Variants in LAMA2 observed in about 807,000 individuals in gnomAD.
The protein encoded by LAMA2 is laminin subunit alpha 2.
A neutral mutation model predicts 364.8 loss-of-function variants in LAMA2; 269 were observed. The observed-to-expected ratio is 0.74, with a 90% CI of 0.67 to 0.82. The LOEUF (loss-of-function observed/expected upper bound fraction) is 0.82. Ranked by LOEUF, LAMA2 falls within the 40% of genes least tolerant of loss-of-function variation. LAMA2 has a pLI of 0.00. For synonymous variants in LAMA2, 1,379 were observed against 1,370.6 expected (o/e 1.01, Z -0.14); for missense variants, 3,807 against 3,873.2 (o/e 0.98, Z 0.45).
intron 1 of LAMA2, among the ~76,000 whole-genome samples, chr6:129,017,039 A>G (rs1785123627): frequency 6.6e-6 from 1 of 151,972 alleles, no homozygotes; most frequent in South Asian, 2.1e-4. Flanking sequence ...AATATGCTGA[A>G]TAAGCAAATC....
intron 35 of LAMA2, 78 bp from the exon 36 acceptor site, chr6:129,391,413 C>A: frequency 8.4e-7 from 1 of 1,185,598 alleles, no homozygotes; most frequent in Non-Finnish European, 1.3e-6. Flanking sequence ...GATGGTGGTG[C>A]CCAGCAGATG....
At chr6:129,466,383 C>A (rs897800722) in intron 51 of LAMA2, among the ~76,000 whole-genome samples, 2 of 151,866 alleles carry the variant, frequency 1.3e-5, no homozygotes, top group Non-Finnish European at 2.9e-5. Context: ...GGATGAAAAG[C>A]ATGTATGGAC....
At chr6:129,412,412 A>G (rs1001176326) in intron 40 of LAMA2, among the ~76,000 whole-genome samples, 1 of 152,168 alleles carries the variant, frequency 6.6e-6, no homozygotes, top group African/African-American at 2.4e-5. Context: ...CTGCTGTTTT[A>G]CCAAAAACCA....
intron 1 of LAMA2, among the ~76,000 whole-genome samples, chr6:128,921,263 T>C (rs764959227): frequency 2.6e-5 from 4 of 152,170 alleles, no homozygotes; most frequent in Non-Finnish European, 4.4e-5. Context: ...GTTGTTTAAA[T>C]CCATTTTATA....
Position 129,478,729 on chromosome 6 carries a change from C to G in LAMA2, c.7488C>G (p.Leu2496=), listed in dbSNP as rs1346254561. 1.9e-6 allele frequency: 3 copies of G among 1,613,420 alleles called. No individual in the cohort carries two copies. The change falls in exon 54 of 65, where the codon CTC becomes CTG. Residue 2496 remains leucine (L), a synonymous_variant. Transcript: ENST00000421865. Reference sequence around the variant, plus strand: ...ATCTGAAGAAATATTCCGGCTGCCTCAAAGATATTGAAATTTCAAGAACTC... The same window carrying G: ...ATCTGAAGAAATATTCCGGCTGCCTGAAAGATATTGAAATTTCAAGAACTC... The part of the protein sequence containing the change: ...EVNLKKYSGC[L]KDIEISRTPY...
At chr6:128,983,476 C>T (rs903986930) in intron 1 of LAMA2, among the ~76,000 whole-genome samples, 1 of 152,086 alleles carries the variant, frequency 6.6e-6, no homozygotes, top group African/African-American at 2.4e-5. Context: ...CTCTGAATTT[C>T]TAGTAAATTC....
At chr6:128,966,261 C>T (rs1256807835) in intron 1 of LAMA2, among the ~76,000 whole-genome samples, 3 of 151,790 alleles carry the variant, frequency 2.0e-5, no homozygotes, top group Middle Eastern at 3.2e-3. Flanking sequence ...AGAGATTAGC[C>T]ATACATTTTA....
At chr6:129,476,525 A>G (rs186857888) in intron 53 of LAMA2, among the ~76,000 whole-genome samples, 19 of 152,302 alleles carry the variant, frequency 1.2e-4, no homozygotes, top group African/African-American at 4.6e-4. Context: ...ACCTTATGTG[A>G]CTATTTATCC....
intron 29 of LAMA2, among the ~76,000 whole-genome samples, chr6:129,336,739 G>A (rs914279786): frequency 6.6e-6 from 1 of 152,176 alleles, no homozygotes. Flanking sequence ...CCAGATGTTA[G>A]CCAGCTGATA....
intron 34 of LAMA2, among the ~76,000 whole-genome samples, chr6:129,373,472 A>G (rs1016738442): frequency 1.3e-5 from 2 of 152,178 alleles, no homozygotes; most frequent in East Asian, 3.8e-4. Context: ...TACATGTGTC[A>G]TATACATATT....
intron 40 of LAMA2, among the ~76,000 whole-genome samples, chr6:129,404,162 G>A (rs575791147): frequency 6.6e-6 from 1 of 152,210 alleles, no homozygotes; most frequent in South Asian, 2.1e-4. Flanking sequence ...CACTACCACT[G>A]TTAGGGTCTT....
intron 32 of LAMA2, among the ~76,000 whole-genome samples, chr6:129,355,994 A>G (rs557439417): frequency 2.6e-5 from 4 of 152,158 alleles, no homozygotes; most frequent in Admixed American, 6.5e-5. Context: ...CTCAAAGTAT[A>G]TAAAATTCTG....
intron 12 of LAMA2, among the ~76,000 whole-genome samples, chr6:129,227,490 G>A (rs1398433291): frequency 2.0e-5 from 3 of 152,180 alleles, no homozygotes; most frequent in Non-Finnish European, 2.9e-5. Context: ...TGATGATGAT[G>A]TACGGATGGG....
chr6:129,400,202 C>T (rs984913533), intron 37 of LAMA2, among the ~76,000 whole-genome samples: 8 of 152,072 alleles, frequency 5.3e-5, no homozygotes, highest in African/African-American at 1.2e-4. Flanking sequence ...GCAGTAATCC[C>T]GTTTATGAAG....
rs908638753 is a variant in LAMA2, at chr6:129,086,784, C to T, written c.397-11389C>T. 2.0e-5 allele frequency among the ~76,000 whole-genome samples: 3 copies of T among 152,170 alleles called. No homozygotes were observed. In the South Asian group the frequency reaches 6.2e-4, roughly 32 times the overall value. On this transcript the variant is annotated intron_variant, in intron 3 of 64. Transcript: ENST00000421865. ...TCTCACAGTTTAATAGGTTAGTAGT[C>T]TGACACAAGTCTCACTGAGCTAAAG...
intron 1 of LAMA2, among the ~76,000 whole-genome samples, chr6:128,972,130 C>T (rs1481832811): frequency 6.6e-6 from 1 of 152,112 alleles, no homozygotes; most frequent in African/African-American, 2.4e-5. Context: ...GCATATTTGT[C>T]AAGAATTCTA....
intron 53 of LAMA2, among the ~76,000 whole-genome samples, chr6:129,476,686 A>AAAG (rs1002237138): frequency 3.9e-5 from 6 of 152,314 alleles, no homozygotes; most frequent in Admixed American, 3.3e-4. Flanking sequence ...GTCTTTCCAT[A>AAAG]AAGGAAAATA....
intron 12 of LAMA2, among the ~76,000 whole-genome samples, chr6:129,211,689 A>C (rs1448806148): frequency 6.6e-6 from 1 of 152,214 alleles, no homozygotes; most frequent in Admixed American, 6.5e-5. Flanking sequence ...ATCATTCAAA[A>C]AGCATTTAAG....
chr6:128,885,780 ACTTTTT>A (rs1030980310), intron 1 of LAMA2, among the ~76,000 whole-genome samples: 150 of 152,246 alleles, frequency 9.9e-4, no homozygotes, highest in African/African-American at 3.5e-3. Flanking sequence ...TTTGTTTTTT[ACTTTTT>A]CTTTGAAATC....
Sources: allele counts gnomAD v4.1 joint callset (sites outside exome capture counted in the v4.1 genomes callset), GRCh38; gene constraint gnomAD v4.1.1; transcripts MANE v1.5; gene names NCBI Gene and HGNC (gene_info 2026-07-23, HGNC 2026-07-21).